Variants in CAMK2A observed in about 807,000 individuals in gnomAD.
The protein encoded by CAMK2A is calcium/calmodulin dependent protein kinase II alpha.
In CAMK2A, 7 loss-of-function variants were observed where a neutral mutation model predicts 79.2. That is an observed-to-expected ratio of 0.09 (90% CI 0.05 to 0.17). The LOEUF (loss-of-function observed/expected upper bound fraction) is 0.17, where lower values mean the gene tolerates loss of function less well. CAMK2A is among the 10% of genes least tolerant of loss of function. The pLI, the probability that CAMK2A is intolerant of heterozygous loss-of-function variation, is 1.00. For missense variants in CAMK2A, 214 were observed against 646.4 expected, an observed-to-expected ratio of 0.33 and a Z score of 7.25; for synonymous variants, 242 against 251.7, an observed-to-expected ratio of 0.96 and a Z score of 0.36.
chr5:150,238,569 G>A (rs758518280), intron 15 of CAMK2A, 131 bp downstream of exon 15: 1 of 901,626 alleles, frequency 1.1e-6, no homozygotes. Context: ...AGTTTATAAG[G>A]CACCAGAGCG....
intron 2 of CAMK2A, among the ~76,000 whole-genome samples, chr5:150,270,595 C>A: frequency 6.6e-6 from 1 of 151,784 alleles, no homozygotes; most frequent in African/African-American, 2.4e-5. Flanking sequence ...AACCCCCCCT[C>A]CCCGCCCCCG....
intron 13 of CAMK2A, 40 bp from the exon 14 acceptor site, chr5:150,239,776 C>T (rs576835744): frequency 1.3e-6 from 2 of 1,594,334 alleles, no homozygotes; most frequent in African/African-American, 1.3e-5. Flanking sequence ...GGAAAAGACA[C>T]AGCGTGAAAA....
At chr5:150,273,567 C>T (rs1234176844) in intron 1 of CAMK2A, among the ~76,000 whole-genome samples, 1 of 152,194 alleles carries the variant, frequency 6.6e-6, no homozygotes, top group African/African-American at 2.4e-5. Context: ...GACCCCCTCC[C>T]GCCCCTGTAC....
At chr5:150,247,125 C>A (rs776570545) in intron 12 of CAMK2A, among the ~76,000 whole-genome samples, 1 of 152,250 alleles carries the variant, frequency 6.6e-6, no homozygotes, top group Non-Finnish European at 1.5e-5. Context: ...GCACTCCCTG[C>A]CTTAACCAGC....
At chr5:150,255,944 G>A (rs1044788557) in intron 6 of CAMK2A, among the ~76,000 whole-genome samples, 19 of 152,224 alleles carry the variant, frequency 1.2e-4, no homozygotes, top group Admixed American at 1.0e-3. Flanking sequence ...ATGAGGATCA[G>A]CAGCGGAGAT....
Position 150,273,408 on chromosome 5 carries a change from C to T in CAMK2A, c.63-249G>A, listed in dbSNP as rs536675049. ...AGGAGCCTGCCAACGTCATCAAAGT[C>T]GGGCTCATCATGCTGTAAAACATTA... On this transcript the variant is annotated intron_variant, in intron 1 of 18. Coordinates refer to ENST00000671881, the MANE Select transcript of CAMK2A (RefSeq NM_015981.4). Among the ~76,000 whole-genome samples the T allele has an allele frequency of 2.3e-3, 350 of 152,298 alleles. 1 individual carries two copies. Among genetic ancestry groups the T allele is most frequent in the African/African-American group, 8.1e-3 (338 of 41,560 alleles).
chr5:150,265,934 CAAA>C (rs56772676), intron 2 of CAMK2A, among the ~76,000 whole-genome samples: 2 of 83,618 alleles, frequency 2.4e-5, no homozygotes. Context: ...GACTTCATCT[CAAA>C]AAAAAAAAAA....
chr5:150,280,267 G>A (rs1757152852), intron 1 of CAMK2A, among the ~76,000 whole-genome samples: 1 of 152,112 alleles, frequency 6.6e-6, no homozygotes, highest in South Asian at 2.1e-4. Context: ...TCTGGGGACA[G>A]CAATCACCCA....
intron 13 of CAMK2A, among the ~76,000 whole-genome samples, chr5:150,240,571 G>A (rs913600442): frequency 1.3e-5 from 2 of 152,298 alleles, no homozygotes; most frequent in Middle Eastern, 3.4e-3. Flanking sequence ...AGGAGAGGGG[G>A]ACAAATGTAA....
chr5:150,250,059 C>T (rs1031476461), intron 11 of CAMK2A, among the ~76,000 whole-genome samples, 167 bp downstream of exon 11: 1 of 152,204 alleles, frequency 6.6e-6, no homozygotes, highest in African/African-American at 2.4e-5. Flanking sequence ...CAGTCATTCA[C>T]CGCTCACTCC....
At chr5:150,264,012 C>T (rs1756405722) in intron 3 of CAMK2A, among the ~76,000 whole-genome samples, 1 of 152,156 alleles carries the variant, frequency 6.6e-6, no homozygotes, top group Non-Finnish European at 1.5e-5. Context: ...GGGCCCTGGG[C>T]ACGGAGAGAG....
chr5:150,271,604 A>G (rs565944294), intron 2 of CAMK2A, among the ~76,000 whole-genome samples: 1 of 152,192 alleles, frequency 6.6e-6, no homozygotes, highest in African/African-American at 2.4e-5. Flanking sequence ...CACTGCACAA[A>G]CCATGGATTG....
In CAMK2A at chr5:150,223,690, T is replaced by C. The variant is rs1754462752; in HGVS notation, c.1238-473A>G. Among the ~76,000 whole-genome samples the C allele has an allele frequency of 6.6e-6, 1 of 152,178 alleles. No individual in the cohort carries two copies. Among genetic ancestry groups the C allele is most frequent in the Admixed American group, 6.5e-5 (1 of 15,276 alleles). The stretch of plus-strand genomic sequence containing the variant: ...GATGGGGACTGTGGCGAATAGAATG[T>C]CTTGTCCCACCTAAAGAGGGCATCC... On this transcript the variant is annotated intron_variant, in intron 17 of 18. Transcript: ENST00000671881. This position sits in a 1 kb window ranked among gnomAD's most constrained non-coding sequence, Gnocchi z 4.1.
intron 1 of CAMK2A, among the ~76,000 whole-genome samples, chr5:150,282,195 C>G (rs543611794): frequency 6.6e-6 from 1 of 152,154 alleles, no homozygotes; most frequent in East Asian, 1.9e-4. Context: ...GCAGTGTGCT[C>G]GAGCTGTCCC....
At chr5:150,264,860 G>C in intron 3 of CAMK2A, 96 bp downstream of exon 3, 1 of 887,410 alleles carries the variant, frequency 1.1e-6, no homozygotes, top group South Asian at 1.3e-5. Context: ...GAAGAGAGCA[G>C]CTGCTCTCCA....
At chr5:150,239,762 G>C in intron 13 of CAMK2A, 26 bp from the exon 14 acceptor site, 4 of 1,605,286 alleles carry the variant, frequency 2.5e-6, no homozygotes, top group Non-Finnish European at 3.4e-6. Flanking sequence ...GAAGAGATGG[G>C]ACAGGAAAAG....
intron 12 of CAMK2A, among the ~76,000 whole-genome samples, chr5:150,246,660 G>A (rs952316940): frequency 6.6e-6 from 1 of 152,202 alleles, no homozygotes; most frequent in African/African-American, 2.4e-5. Context: ...TATCTGGGTA[G>A]CTCATCTTTC....
chr5:150,272,059 C>T (rs1342604009), intron 2 of CAMK2A, among the ~76,000 whole-genome samples: 2 of 152,190 alleles, frequency 1.3e-5, no homozygotes, highest in African/African-American at 4.8e-5. Context: ...CTCTGGAGGA[C>T]CCGAGAGTGG....
intron 1 of CAMK2A, among the ~76,000 whole-genome samples, chr5:150,278,110 A>G (rs547919260): frequency 3.9e-5 from 6 of 152,344 alleles, no homozygotes; most frequent in African/African-American, 1.2e-4. Context: ...TTAGAGGGCA[A>G]TAATAGCCTC....
Sources: allele counts gnomAD v4.1 joint callset (sites outside exome capture counted in the v4.1 genomes callset), GRCh38; gene constraint gnomAD v4.1.1; non-coding constraint Gnocchi (gnomAD v3.1); transcripts MANE v1.5; gene names NCBI Gene and HGNC (gene_info 2026-07-23, HGNC 2026-07-21).